The following NPLOC4 variants were observed in gnomAD, a reference collection of about 807,000 sequenced individuals.
The protein encoded by NPLOC4 is NPL4 homolog, ubiquitin recognition factor.
In NPLOC4, 18 loss-of-function variants were observed where a neutral mutation model predicts 80.6. The ratio of observed to expected loss-of-function variants is 0.22; its 90% confidence interval spans 0.15 to 0.33. The LOEUF (loss-of-function observed/expected upper bound fraction) is 0.33. Among genes scored for constraint, NPLOC4 ranks in the 10% least tolerant of loss-of-function variants. The pLI is 1.00. For synonymous variants in NPLOC4, 313 were observed against 301.5 expected (o/e 1.04, Z -0.39); for missense variants, 540 against 786.1 (o/e 0.69, Z 3.74).
intron 13 of NPLOC4, among the ~76,000 whole-genome samples, chr17:81,570,112 C>G (rs2144050752): frequency 1.3e-5 from 2 of 152,342 alleles, no homozygotes; most frequent in Admixed American, 1.3e-4. Context: ...TGTGCCAGCG[C>G]CAGCCGCTGT....
intron 12 of NPLOC4, among the ~76,000 whole-genome samples, chr17:81,578,288 G>A (rs945998106): frequency 2.0e-5 from 3 of 152,056 alleles, no homozygotes; most frequent in African/African-American, 7.2e-5. Flanking sequence ...TCCACTCCGC[G>A]TGGCTTCCTC....
intron 3 of NPLOC4, among the ~76,000 whole-genome samples, chr17:81,614,087 C>G (rs746303104): frequency 6.6e-6 from 1 of 151,794 alleles, no homozygotes. Flanking sequence ...CCATCCTGGC[C>G]AACAGGGTGA....
intron 2 of NPLOC4, among the ~76,000 whole-genome samples, chr17:81,627,713 A>G (rs1292559951): frequency 6.6e-6 from 1 of 152,088 alleles, no homozygotes; most frequent in Admixed American, 6.6e-5. Flanking sequence ...GGCTGCAATG[A>G]GCCAAGATCA....
intron 11 of NPLOC4, among the ~76,000 whole-genome samples, chr17:81,592,217 TG>T (rs2034769603): frequency 6.6e-6 from 1 of 152,138 alleles, no homozygotes; most frequent in South Asian, 2.1e-4. Flanking sequence ...AGGAGGGATG[TG>T]GGACGGGAAT....
Position 81,565,574 on chromosome 17 carries a change from T to A in NPLOC4, c.1600A>T (p.Thr534Ser). ...GTCTGGGCGAGCTCCTCATTTCTGG[T>A]CCGCACGGCCTCCAGCAGCAAGCTG... ...SISLLLEAVR[T>S]RNEELAQTWK... The change falls in exon 16 of 17, where the codon ACC becomes TCC. Residue 534 changes from threonine (T) to serine (S), a missense_variant. By Grantham distance (58) the Thr-to-Ser change is moderately conservative (BLOSUM62 1). Around this residue, in one of 6 missense-constraint regions of NPLOC4, gnomAD observed 251 missense variants for 377.5 expected, o/e 0.66. Coordinates refer to ENST00000331134, the MANE Select transcript of NPLOC4 (RefSeq NM_017921.4). 6.4e-7 allele frequency: 1 copy of A among 1,555,012 alleles called. No individual in the cohort carries two copies. Among genetic ancestry groups the A allele is most frequent in the Non-Finnish European group, 8.7e-7 (1 of 1,150,176 alleles).
intron 8 of NPLOC4, among the ~76,000 whole-genome samples, chr17:81,600,831 C>CAA (rs1309013002): frequency 6.6e-6 from 1 of 152,194 alleles, no homozygotes; most frequent in Non-Finnish European, 1.5e-5. Context: ...AGGCAAGACT[C>CAA]AAACTGTAAG....
chr17:81,599,510 A>G (rs915560025), intron 9 of NPLOC4, among the ~76,000 whole-genome samples: 1 of 152,142 alleles, frequency 6.6e-6, no homozygotes, highest in Non-Finnish European at 1.5e-5. Flanking sequence ...AAAGACAGTA[A>G]AACTGTGTGG....
chr17:81,586,907 G>A, intron 12 of NPLOC4, among the ~76,000 whole-genome samples: 1 of 152,202 alleles, frequency 6.6e-6, no homozygotes, highest in East Asian at 1.9e-4. Flanking sequence ...GATGGAGATG[G>A]ACAGCTCACC....
intron 12 of NPLOC4, among the ~76,000 whole-genome samples, chr17:81,585,749 G>C (rs2034567131): frequency 1.3e-5 from 2 of 152,080 alleles, no homozygotes; most frequent in African/African-American, 4.8e-5. Flanking sequence ...CACTGTGGGA[G>C]GCTGAGGCAG....
At chr17:81,600,470 C>G in intron 8 of NPLOC4, 43 bp from the exon 9 acceptor site, 6 of 1,505,456 alleles carry the variant, frequency 4.0e-6, no homozygotes, top group Non-Finnish European at 5.5e-6. Context: ...GAGCAGAGGG[C>G]TCAGGAAGCA....
intron 12 of NPLOC4, among the ~76,000 whole-genome samples, chr17:81,587,285 C>T (rs937007832): frequency 2.6e-5 from 4 of 152,160 alleles, no homozygotes; most frequent in Non-Finnish European, 5.9e-5. Flanking sequence ...ATCAACCTGG[C>T]CAACATAGTG....
intron 3 of NPLOC4, among the ~76,000 whole-genome samples, chr17:81,621,523 C>A (rs1316289681): frequency 1.3e-5 from 2 of 152,168 alleles, no homozygotes; most frequent in Non-Finnish European, 2.9e-5. Flanking sequence ...ATCTAAGGCA[C>A]ATGTGAGTAA....
intron 12 of NPLOC4, among the ~76,000 whole-genome samples, chr17:81,585,251 C>G (rs1226708845): frequency 6.7e-6 from 1 of 149,964 alleles, no homozygotes; most frequent in Non-Finnish European, 1.5e-5. Context: ...GAACAGAGTC[C>G]AGTAACATCC....
At chr17:81,593,659 C>T (rs2034809769) in intron 11 of NPLOC4, among the ~76,000 whole-genome samples, 2 of 152,022 alleles carry the variant, frequency 1.3e-5, no homozygotes, top group Admixed American at 6.6e-5. Flanking sequence ...CAGATATCAG[C>T]CTACATGTGG....
chr17:81,605,882 C>T (rs1411301194), intron 7 of NPLOC4, among the ~76,000 whole-genome samples: 1 of 148,436 alleles, frequency 6.7e-6, no homozygotes, highest in African/African-American at 2.5e-5. Context: ...AGTGCAGTGG[C>T]GTGATTTTGG....
intron 16 of NPLOC4, chr17:81,564,128 G>GC: frequency 4.4e-6 from 1 of 227,800 alleles, no homozygotes; most frequent in Non-Finnish European, 8.8e-6. Context: ...AAAGAGCAGG[G>GC]CGGGCTGAAA....
intron 3 of NPLOC4, among the ~76,000 whole-genome samples, chr17:81,615,705 AG>A (rs2035464846): frequency 1.3e-5 from 2 of 152,184 alleles, no homozygotes; most frequent in Admixed American, 1.3e-4. Context: ...CCCTGCCCAG[AG>A]GGGGCAGCTG....
In NPLOC4 at chr17:81,577,545, T is replaced by G. The variant is rs561758684; in HGVS notation, c.1282-5457A>C. 6.6e-6 allele frequency among the ~76,000 whole-genome samples: 1 copy of G among 152,280 alleles called. No individual in the cohort carries two copies. Among genetic ancestry groups the G allele is most frequent in the South Asian group, 2.1e-4 (1 of 4,826 alleles). On this transcript the variant is annotated intron_variant, in intron 12 of 16. Transcript: ENST00000331134. This position sits in a 1 kb window ranked among gnomAD's most constrained non-coding sequence, Gnocchi z 4.3. ...TTCTCTTCTCCCTCTGAACCACGGC[T>G]TGGCTCATCTACTTCTGGGTTAATT...
intron 16 of NPLOC4, chr17:81,564,118 A>ACACAC (rs1568114631): frequency 5.0e-4 from 163 of 323,648 alleles, no homozygotes; most frequent in Middle Eastern, 1.1e-3. Context: ...ACACACACAC[A>ACACAC]AAGAGCAGGG....
Sources: gnomAD v4.1 joint callset for allele counts (sites outside exome capture counted in the v4.1 genomes callset) on GRCh38, gnomAD v4.1.1 for gene constraint, gnomAD v4.1.1 regional missense constraint, Gnocchi (gnomAD v3.1) non-coding constraint, MANE v1.5 for transcripts, NCBI Gene and HGNC (gene_info 2026-07-23, HGNC 2026-07-21) for gene names.